The following GYS2 variants were observed in gnomAD, a reference collection of about 807,000 sequenced individuals.
The protein encoded by GYS2 is glycogen [starch] synthase, liver.
A neutral mutation model predicts 85.6 loss-of-function variants in GYS2; 80 were observed. The ratio of observed to expected loss-of-function variants is 0.93; its 90% confidence interval spans 0.78 to 1.13. The LOEUF is 1.13. GYS2 is among the 50% of genes most tolerant of loss of function. The probability of loss-of-function intolerance (pLI) is 0.00; values close to 1 mark genes in which losing one functional copy is unlikely to be tolerated. For synonymous variants in GYS2, 328 were observed against 300.7 expected (o/e 1.09, Z -0.94); for missense variants, 881 against 854.9 (o/e 1.03, Z -0.38).
chr12:21,556,003 C>T (rs938939394), intron 11 of GYS2, among the ~76,000 whole-genome samples: 7 of 152,148 alleles, frequency 4.6e-5, no homozygotes, highest in Non-Finnish European at 1.0e-4. Context: ...AATGCTGTAT[C>T]ATGAGGTCTT....
intron 11 of GYS2, among the ~76,000 whole-genome samples, chr12:21,553,367 G>A (rs1387816648): frequency 4.6e-5 from 7 of 152,246 alleles, no homozygotes; most frequent in African/African-American, 1.7e-4. Flanking sequence ...TTAGTCTGCT[G>A]CCTTCTTTAT....
At chr12:21,587,494 G>A (rs906392502) in intron 1 of GYS2, among the ~76,000 whole-genome samples, 1 of 152,096 alleles carries the variant, frequency 6.6e-6, no homozygotes, top group Non-Finnish European at 1.5e-5. Flanking sequence ...GGTTTTATAA[G>A]CGGCTTTTCC....
chr12:21,546,235 T>C, intron 12 of GYS2, 109 bp downstream of exon 12: 1 of 842,446 alleles, frequency 1.2e-6, no homozygotes, highest in South Asian at 1.9e-5. Flanking sequence ...AACTGAAGAA[T>C]TGAAATCTTA....
Position 21,537,175 on chromosome 12 carries a change from T to C in GYS2, c.1891A>G (p.Thr631Ala). The change falls in exon 16 of 16, where the codon ACA becomes GCA. Residue 631 changes from threonine (T) to alanine (A), a missense_variant and splice_region_variant. Coordinates refer to ENST00000261195, the MANE Select transcript of GYS2 (RefSeq NM_021957.4). ...GGCCTGGGATATTTAAATCCTTCTG[T>C]CTGCCAAAGACAAAAATAAGACATA... ...FHVELTSPPT[T>A]EGFKYPRPSS... 2 of 1,610,682 alleles carry C rather than the reference T, an allele frequency of 1.2e-6. No homozygotes were observed. Among genetic ancestry groups the C allele is most frequent in the Non-Finnish European group, 1.7e-6 (2 of 1,177,004 alleles).
intron 12 of GYS2, among the ~76,000 whole-genome samples, chr12:21,543,126 C>T (rs935028171): frequency 4.6e-5 from 7 of 152,168 alleles, no homozygotes; most frequent in African/African-American, 1.4e-4. Flanking sequence ...TCCTCCCTCA[C>T]CTTTTAATCA....
At chr12:21,548,920 A>G (rs117570180) in intron 11 of GYS2, among the ~76,000 whole-genome samples, 1 of 152,272 alleles carries the variant, frequency 6.6e-6, no homozygotes, top group East Asian at 1.9e-4. Flanking sequence ...TGGTAGCTTG[A>G]CAATGGCCTT....
intron 11 of GYS2, among the ~76,000 whole-genome samples, chr12:21,547,130 G>A (rs974403974): frequency 7.2e-5 from 11 of 152,090 alleles, no homozygotes; most frequent in African/African-American, 2.2e-4. Context: ...TTGTTCAGTG[G>A]CTTCCCATTT....
intron 11 of GYS2, among the ~76,000 whole-genome samples, chr12:21,551,832 G>A (rs1022278455): frequency 2.6e-5 from 4 of 152,264 alleles, no homozygotes; most frequent in South Asian, 2.1e-4. Context: ...CTGGCAACCC[G>A]TTGTACTCTC....
In GYS2 at chr12:21,542,544, C is replaced by A; in HGVS notation, c.1597G>T (p.Gly533Trp). 1 of 1,613,792 alleles carries A rather than the reference C, an allele frequency of 6.2e-7. No individual in the cohort carries two copies. Among genetic ancestry groups the A allele is most frequent in the Non-Finnish European group, 8.5e-7 (1 of 1,179,760 alleles). ...TGCTCCTGCATGAAACAGCCAAACC[C>A]GGAGAGATTCGTGGTCACACTGGGG... ...GIPSVTTNLS[G>W]FGCFMQEHVA... Residue 533 changes from glycine (G) to tryptophan (W), a missense_variant, in exon 13 of 16, where the codon GGG becomes TGG. Gly to Trp is a radical substitution (Grantham distance 184). Coordinates refer to ENST00000261195, the MANE Select transcript of GYS2 (RefSeq NM_021957.4).
At chr12:21,545,396 C>G (rs1010128688) in intron 12 of GYS2, among the ~76,000 whole-genome samples, 1 of 152,202 alleles carries the variant, frequency 6.6e-6, no homozygotes, top group African/African-American at 2.4e-5. Flanking sequence ...GAGCCAAGAT[C>G]ATGCCACTGC....
intron 1 of GYS2, among the ~76,000 whole-genome samples, chr12:21,586,333 T>C (rs1328777086): frequency 5.3e-5 from 8 of 152,126 alleles, no homozygotes; most frequent in Non-Finnish European, 1.0e-4. Context: ...GCTTCCTTGC[T>C]CCTCTGCTTG....
At chr12:21,551,259 T>C (rs1944107876) in intron 11 of GYS2, among the ~76,000 whole-genome samples, 1 of 148,504 alleles carries the variant, frequency 6.7e-6, no homozygotes, top group South Asian at 2.1e-4. Context: ...GAATAGACAC[T>C]TTTCATGTTT....
At chr12:21,602,129 A>T (rs1944762190) in intron 1 of GYS2, among the ~76,000 whole-genome samples, 1 of 152,132 alleles carries the variant, frequency 6.6e-6, no homozygotes, top group South Asian at 2.1e-4. Context: ...ATTCATGAAG[A>T]AACTGTTATT....
At chr12:21,559,628 T>C in intron 9 of GYS2, 23 bp downstream of exon 9, 1 of 1,277,464 alleles carries the variant, frequency 7.8e-7, no homozygotes, top group African/African-American at 1.4e-5. Context: ...GTGATTGAAG[T>C]AGAAAGCATT....
intron 1 of GYS2, among the ~76,000 whole-genome samples, chr12:21,587,738 ATAAAT>A (rs1167450008): frequency 6.6e-6 from 1 of 152,104 alleles, no homozygotes; most frequent in East Asian, 1.9e-4. Context: ...AAAATATAAA[ATAAAT>A]TAGATCTGAT....
intron 13 of GYS2, among the ~76,000 whole-genome samples, chr12:21,542,214 AT>A (rs200095064): frequency 0.023 from 3,535 of 151,776 alleles, 139 homozygotes; most frequent in African/African-American, 0.08. Flanking sequence ...TACTTGGCTA[AT>A]TTTTTTGTAT....
At chr12:21,599,019 T>G (rs1338484021) in intron 1 of GYS2, among the ~76,000 whole-genome samples, 1 of 152,050 alleles carries the variant, frequency 6.6e-6, no homozygotes, top group Non-Finnish European at 1.5e-5. Flanking sequence ...TTCAAAGAAG[T>G]ATAGAATAGA....
chr12:21,596,032 C>T (rs1944692138), intron 1 of GYS2, among the ~76,000 whole-genome samples: 1 of 152,038 alleles, frequency 6.6e-6, no homozygotes, highest in African/African-American at 2.4e-5. Context: ...CCAAGGTAGA[C>T]CATATGATAG....
intron 4 of GYS2, among the ~76,000 whole-genome samples, chr12:21,572,608 G>A (rs1267094834): frequency 6.6e-6 from 1 of 152,102 alleles, no homozygotes; most frequent in East Asian, 1.9e-4. Flanking sequence ...AGAAAGATGG[G>A]CAGGGATCTG....
Sources: allele counts gnomAD v4.1 joint callset (sites outside exome capture counted in the v4.1 genomes callset), GRCh38; gene constraint gnomAD v4.1.1; transcripts MANE v1.5; gene names NCBI Gene and HGNC (gene_info 2026-07-23, HGNC 2026-07-21).